Variants in CACNA1H observed in about 807,000 individuals in gnomAD.
The protein encoded by CACNA1H is calcium voltage-gated channel subunit alpha1 H, also known as voltage-dependent T-type calcium channel subunit alpha-1H.
A neutral mutation model predicts 192.5 loss-of-function variants in CACNA1H; 149 were observed. The observed-to-expected ratio is 0.77, with a 90% CI of 0.68 to 0.89. CACNA1H has a LOEUF of 0.89. Among genes scored for constraint, CACNA1H ranks in the 40% least tolerant of loss-of-function variants. The pLI, the probability that CACNA1H is intolerant of heterozygous loss-of-function variation, is 0.00. For synonymous variants in CACNA1H, 2,202 were observed against 1,475.2 expected (o/e 1.49, Z -11.29); for missense variants, 4,257 against 3,423.5 (o/e 1.24, Z -6.08).
chr16:1,214,938 C>A, intron 27 of CACNA1H, 34 bp from the exon 28 acceptor site: 1 of 1,483,272 alleles, frequency 6.7e-7, no homozygotes, highest in East Asian at 2.4e-5. Flanking sequence ...GTGGCCCCAG[C>A]CCCACCTCAG....
At chr16:1,173,308 C>T (rs1466494165) in intron 2 of CACNA1H, among the ~76,000 whole-genome samples, 2 of 152,102 alleles carry the variant, frequency 1.3e-5, no homozygotes, top group Admixed American at 1.3e-4. Flanking sequence ...AAAAGGTGGC[C>T]AGAGCCCTGG....
intron 2 of CACNA1H, among the ~76,000 whole-genome samples, chr16:1,175,515 T>A (rs1964792559): frequency 6.6e-6 from 1 of 152,020 alleles, no homozygotes; most frequent in African/African-American, 2.4e-5. Context: ...CCCTGTAGCC[T>A]CCAGCTCCTA....
chr16:1,170,234 C>T lies in CACNA1H; in HGVS notation c.299+16198C>T, dbSNP rs560550874. Among the ~76,000 whole-genome samples, 3 of 152,304 alleles carry T rather than the reference C, an allele frequency of 2.0e-5. No individual in the cohort carries two copies. The South Asian group carries it at 6.2e-4, about 32-fold the overall frequency. ...TACCGAGGCTCAGCCCACCCTGTTC[C>T]CACTCAGTGCAGAGCCTTCTTTGTG... is the stretch of plus-strand genomic sequence containing the variant. On this transcript the variant is annotated intron_variant, in intron 2 of 34. Coordinates refer to ENST00000348261, the MANE Select transcript of CACNA1H (RefSeq NM_021098.3).
At position 1,220,154 on chromosome 16, in the gene CACNA1H, C is replaced by T. The variant is rs373620549; in HGVS notation, c.6222C>T (p.Phe2074=). Residue 2074 remains phenylalanine (F), a synonymous_variant, in exon 35 of 35, where the codon TTC becomes TTT. Transcript: ENST00000348261. ...PASVRTRKHT[F]GQRCVSSRPA... is the part of the protein sequence containing the mutation. ...GCGTCCGCACTCGTAAGCATACCTT[C>T]GGACAGCGCTGCGTCTCCAGCCGGC... The T allele has an allele frequency of 2.5e-4, 376 of 1,520,834 alleles. No homozygotes were observed. Among genetic ancestry groups the T allele is most frequent in the African/African-American group, 1.3e-3 (90 of 69,886 alleles). 94.2% of individuals were successfully genotyped at this position (1,520,834 alleles called of 1,614,324 possible).
chr16:1,220,697 C>T lies in CACNA1H; in HGVS notation c.6765C>T (p.Ser2255=). 1 of 1,611,460 alleles carries T rather than the reference C, an allele frequency of 6.2e-7. No homozygotes were observed. Among genetic ancestry groups the T allele is most frequent in the Non-Finnish European group, 8.5e-7 (1 of 1,179,366 alleles). The change falls in exon 35 of 35, where the codon TCC becomes TCT. Residue 2255 remains serine, a synonymous_variant. Coordinates refer to ENST00000348261, the MANE Select transcript of CACNA1H (RefSeq NM_021098.3). ...AAKGERWGQA[S]CRAEHLTVPS... ...AGGGGGAGCGCTGGGGCCAGGCCTC[C>T]TGCCGGGCTGAGCACCTGACCGTCC...
intron 18 of CACNA1H, 27 bp from the exon 19 acceptor site, chr16:1,210,343 A>AC: frequency 4.3e-6 from 1 of 233,800 alleles, no homozygotes; most frequent in South Asian, 5.3e-5. Flanking sequence ...GCCCCGCCCC[A>AC]CCTCTCACCC....
chr16:1,195,386 C>G (rs1966869924), intron 3 of CACNA1H, 46 bp from the exon 4 acceptor site: 1 of 1,548,690 alleles, frequency 6.5e-7, no homozygotes, highest in Admixed American at 2.0e-5. Context: ...GGGTTGTGGG[C>G]TGAGCTGAGC....
Position 1,206,902 on chromosome 16 carries a change from C to G in CACNA1H, c.2790-99C>G, listed in dbSNP as rs118070675. 0.045 allele frequency: 15,270 copies of G among 342,820 alleles called. 617 individuals are homozygous for G. Among genetic ancestry groups the G allele is most frequent in the Non-Finnish European group, 0.056 (9,865 of 177,704 alleles). 21.2% of individuals were successfully genotyped at this position (342,820 alleles called of 1,614,324 possible). ...AGAGCCAAGACGGGCAGAGCCAGTC[C>G]TGCCCCTCCCTCCTCCCACCCCCCT... On this transcript the variant is annotated intron_variant, in intron 12 of 34. Transcript: ENST00000348261.
At chr16:1,191,028 G>A (rs1490496176) in intron 2 of CACNA1H, among the ~76,000 whole-genome samples, 13 of 147,498 alleles carry the variant, frequency 8.8e-5, no homozygotes, top group East Asian at 2.1e-4. Flanking sequence ...AGGCACACTC[G>A]GGGTCTCTGA....
chr16:1,164,970 C>T (rs932336761), intron 2 of CACNA1H, among the ~76,000 whole-genome samples: 2 of 152,118 alleles, frequency 1.3e-5, no homozygotes. Flanking sequence ...GGTGGGGCCC[C>T]TCGGTCCAGC....
Position 1,218,221 on chromosome 16 carries a change from C to G in CACNA1H, c.5457C>G (p.Arg1819=), listed in dbSNP as rs749678010. 1.3e-6 allele frequency: 2 copies of G among 1,549,398 alleles called. No homozygotes were observed. The highest frequency in any genetic ancestry group is 1.4e-5 in the African/African-American group (1 of 73,046). ...GTCCCCCACCGCAGGACACGCTGCG[C>G]GAGTGCTCCCGTGAGGACAAGCACT... ...NWNGIMKDTL[R]ECSREDKHCL... is the part of the protein sequence containing the mutation. The change falls in exon 33 of 35, where the codon CGC becomes CGG. Residue 1819 remains arginine, a synonymous_variant. Coordinates refer to ENST00000348261, the MANE Select transcript of CACNA1H (RefSeq NM_021098.3).
chr16:1,166,527 C>G (rs995112106), intron 2 of CACNA1H, among the ~76,000 whole-genome samples: 1 of 152,244 alleles, frequency 6.6e-6, no homozygotes, highest in African/African-American at 2.4e-5. Flanking sequence ...TTCGGTCGTT[C>G]TCCCTGTATC....
At chr16:1,202,601 C>T (rs1234865263) in intron 9 of CACNA1H, 149 bp downstream of exon 9, 4 of 735,738 alleles carry the variant, frequency 5.4e-6, no homozygotes, top group East Asian at 3.0e-5. Context: ...CTCTGGAGCC[C>T]ATAAGAAGGG....
chr16:1,179,204 C>T (rs962022184), intron 2 of CACNA1H, among the ~76,000 whole-genome samples: 1 of 152,180 alleles, frequency 6.6e-6, no homozygotes, highest in Non-Finnish European at 1.5e-5. Context: ...TTTTATCTGA[C>T]GCGCCTCCCG....
At chr16:1,155,094 C>G (rs1329306586) in intron 2 of CACNA1H, among the ~76,000 whole-genome samples, 1 of 152,264 alleles carries the variant, frequency 6.6e-6, no homozygotes, top group East Asian at 1.9e-4. Flanking sequence ...GTGTGTTTAA[C>G]TGTACAAATA....
chr16:1,216,004 C>A (rs1015413083), intron 30 of CACNA1H, among the ~76,000 whole-genome samples: 2 of 151,908 alleles, frequency 1.3e-5, no homozygotes, highest in African/African-American at 4.8e-5. Flanking sequence ...CTTCCTGTGC[C>A]CCTGGCCCCT....
intron 12 of CACNA1H, 196 bp downstream of exon 12, chr16:1,206,485 C>T (rs1022964879): frequency 1.7e-5 from 10 of 590,492 alleles, no homozygotes; most frequent in South Asian, 8.7e-5. Flanking sequence ...GTTAGACATG[C>T]AGGGAGTCAG....
In CACNA1H at chr16:1,180,894, G is replaced by A. The variant is rs759202636; in HGVS notation, c.300-14078G>A. ...AGCGTGCTGAGGACAGACCTGCTGG[G>A]CCGCGTTGGCAGGGGCTCACCCCGT... On this transcript the variant is annotated intron_variant, in intron 2 of 34. Coordinates refer to ENST00000348261, the MANE Select transcript of CACNA1H (RefSeq NM_021098.3). The surrounding 1 kb of genome is among the most constrained non-coding windows in gnomAD (Gnocchi z 4.4). 6.4e-4 allele frequency among the ~76,000 whole-genome samples: 98 copies of A among 152,100 alleles called. No homozygotes were observed. The highest frequency in any genetic ancestry group is 2.0e-4 in the Admixed American group (3 of 15,272).
Position 1,211,488 on chromosome 16 carries a change from A to G in CACNA1H, c.4358A>G (p.Lys1453Arg), listed in dbSNP as rs748889281. 6.2e-7 allele frequency: 1 copy of G among 1,612,390 alleles called. No individual in the cohort carries two copies. Among genetic ancestry groups the G allele is most frequent in the Admixed American group, 1.7e-5 (1 of 60,020 alleles). Residue 1453 changes from lysine (K) to arginine (R), a missense_variant, in exon 23 of 35, where the codon AAA becomes AGA. By Grantham distance (26) the Lys-to-Arg change is conservative. Transcript: ENST00000348261. The part of the protein sequence containing the change: ...IFGILGVQLF[K>R]GKFYYCEGPD... ...ACCGTCGCACCCCGTCAGCTCTTCA[A>G]AGGGAAGTTCTACTACTGCGAGGGC... is the stretch of plus-strand genomic sequence containing the variant.
Sources: gnomAD v4.1 joint callset for allele counts (sites outside exome capture counted in the v4.1 genomes callset) on GRCh38, gnomAD v4.1.1 for gene constraint, Gnocchi (gnomAD v3.1) non-coding constraint, MANE v1.5 for transcripts, NCBI Gene and HGNC (gene_info 2026-07-23, HGNC 2026-07-21) for gene names.